The following MID1 variants were observed in gnomAD, a reference collection of about 807,000 sequenced individuals.
The protein encoded by MID1 is midline 1.
Under a neutral mutation model 40.4 loss-of-function variants are expected in MID1, and 7 were observed. The observed-to-expected ratio is 0.17, with a 90% confidence interval of 0.10 to 0.33. The LOEUF is 0.33. Ranked by LOEUF, MID1 falls within the 10% of genes least tolerant of loss-of-function variation. MID1 has a pLI of 1.00. For missense variants in MID1, 367 were observed against 558.5 expected, an observed-to-expected ratio of 0.66 and a Z score of 3.46; for synonymous variants, 229 against 221.2, an observed-to-expected ratio of 1.04 and a Z score of -0.31.
At chrX:10,578,837 C>G (rs930340270) in intron 1 of MID1, among the ~76,000 whole-genome samples, 3 of 111,855 alleles carry the variant, frequency 2.7e-5, no homozygotes, top group Non-Finnish European at 5.6e-5. Flanking sequence ...TTCTGTGAAA[C>G]CAGTCACAGA....
intron 1 of MID1, among the ~76,000 whole-genome samples, chrX:10,755,730 G>T: frequency 8.9e-6 from 1 of 112,143 alleles, no homozygotes; most frequent in East Asian, 2.8e-4. Flanking sequence ...GGAGCCTGTT[G>T]TGAGCACATC....
In MID1 at chrX:10,726,906, C is replaced by G. The variant is rs757970218; in HGVS notation, c.-186-106487G>C. On this transcript the variant is annotated intron_variant, in intron 1 of 10. Transcript: ENST00000380785. ...ATCAGTGGGCAAAGATTGCATTCCT[C>G]TTTTCTGCCTGTGGCGTATGACAAA... Among the ~76,000 whole-genome samples the G allele has an allele frequency of 9.8e-5, 11 of 112,536 alleles. No individual in the cohort carries two copies. In the South Asian group the frequency reaches 3.3e-3, roughly 34 times the overall value.
chrX:10,680,322 G>A (rs1167794397), intron 1 of MID1, among the ~76,000 whole-genome samples: 2 of 111,820 alleles, frequency 1.8e-5, no homozygotes, highest in African/African-American at 6.5e-5. Flanking sequence ...ATGAAGAGGG[G>A]TATATTAGTG....
chrX:10,580,933 TAA>T (rs757426965), intron 1 of MID1, among the ~76,000 whole-genome samples: 5,989 of 58,242 alleles, frequency 0.1, 521 homozygotes, highest in African/African-American at 0.28. Context: ...TGGTGTCCTG[TAA>T]AAAAAAAAAA....
intron 1 of MID1, among the ~76,000 whole-genome samples, chrX:10,719,196 G>C (rs1481557964): frequency 4.5e-5 from 5 of 110,825 alleles, no homozygotes; most frequent in Non-Finnish European, 7.6e-5. Context: ...GTTCTGGCCA[G>C]GGCAATCAGG....
At chrX:10,474,908 TAAAAC>T (rs752877608) in intron 5 of MID1, 158 bp from the exon 6 acceptor site, 16 of 526,696 alleles carry the variant, frequency 3.0e-5, no homozygotes, top group Non-Finnish European at 5.3e-5. Flanking sequence ...CACAGTAACA[TAAAAC>T]AAATGAATGC....
At chrX:10,769,518 T>C (rs1469158758) in intron 1 of MID1, among the ~76,000 whole-genome samples, 1 of 112,193 alleles carries the variant, frequency 8.9e-6, no homozygotes, top group Non-Finnish European at 1.9e-5. Context: ...GCTCCTTCTA[T>C]GAGAAAGCAT....
chrX:10,517,389 C>T (rs1424625037), intron 3 of MID1, among the ~76,000 whole-genome samples: 1 of 112,077 alleles, frequency 8.9e-6, no homozygotes, highest in Non-Finnish European at 1.9e-5. Context: ...AACTCCATGG[C>T]CTTTTTGGAG....
intron 1 of MID1, among the ~76,000 whole-genome samples, chrX:10,632,148 A>G (rs1355252211): frequency 8.9e-6 from 1 of 111,916 alleles, no homozygotes; most frequent in African/African-American, 3.3e-5. Context: ...AGATGTGTTA[A>G]ATTAATTGGT....
chrX:10,590,319 A>C (rs968004275), intron 1 of MID1, among the ~76,000 whole-genome samples: 2 of 110,870 alleles, frequency 1.8e-5, no homozygotes, highest in Non-Finnish European at 3.8e-5. Flanking sequence ...ACAATATGAG[A>C]GGGTCTGTCT....
chrX:10,811,315 T>C (rs1039918945), intron 1 of MID1, among the ~76,000 whole-genome samples: 1 of 112,466 alleles, frequency 8.9e-6, no homozygotes, highest in Admixed American at 9.4e-5. Context: ...CACTCATTTC[T>C]GCTTTTTTAA....
chrX:10,609,766 G>T (rs1475550055), intron 1 of MID1, among the ~76,000 whole-genome samples: 2 of 96,322 alleles, frequency 2.1e-5, no homozygotes, highest in Admixed American at 2.4e-4. Context: ...GGCCCAGGCT[G>T]GAGTGCAGTG....
At chrX:10,494,705 C>T (rs1021787217) in intron 4 of MID1, among the ~76,000 whole-genome samples, 11 of 98,952 alleles carry the variant, frequency 1.1e-4, no homozygotes, top group African/African-American at 3.8e-4. Context: ...GCCCGGGAGG[C>T]GGCAGTTGCA....
At chrX:10,686,276 C>T (rs2147073316) in intron 1 of MID1, among the ~76,000 whole-genome samples, 1 of 111,031 alleles carries the variant, frequency 9.0e-6, no homozygotes. Flanking sequence ...GGGGCTGTGT[C>T]TAAGGGGTTC....
intron 1 of MID1, among the ~76,000 whole-genome samples, chrX:10,831,064 C>T (rs910319914): frequency 9.0e-6 from 1 of 111,616 alleles, no homozygotes; most frequent in African/African-American, 3.3e-5. Flanking sequence ...ACTGATGAAG[C>T]TATGTGATCC....
intron 1 of MID1, among the ~76,000 whole-genome samples, chrX:10,683,079 G>C (rs1377614083): frequency 1.8e-5 from 2 of 111,948 alleles, no homozygotes; most frequent in African/African-American, 6.5e-5. Context: ...CTCAATTGTA[G>C]TCATTTTCTC....
chrX:10,711,315 G>C (rs1272676876), intron 1 of MID1, among the ~76,000 whole-genome samples: 1 of 112,075 alleles, frequency 8.9e-6, no homozygotes, highest in Non-Finnish European at 1.9e-5. Flanking sequence ...AGGAACTTCA[G>C]AGCTCACCCT....
At chrX:10,517,560 C>G (rs759274973) in intron 3 of MID1, among the ~76,000 whole-genome samples, 133 of 112,656 alleles carry the variant, frequency 1.2e-3, no homozygotes, top group South Asian at 2.9e-3. Flanking sequence ...CTTGAACCCT[C>G]ACTAAACCTT....
intron 1 of MID1, among the ~76,000 whole-genome samples, chrX:10,808,164 A>G (rs1431565142): frequency 8.9e-6 from 1 of 112,155 alleles, no homozygotes; most frequent in Admixed American, 9.4e-5. Context: ...GGGAGCTCAC[A>G]ATCTCATGTC....
Sources: allele counts gnomAD v4.1 joint callset (sites outside exome capture counted in the v4.1 genomes callset), GRCh38; gene constraint gnomAD v4.1.1; transcripts MANE v1.5; gene names NCBI Gene and HGNC (gene_info 2026-07-23, HGNC 2026-07-21).